Variants in CA10 observed in about 807,000 individuals in gnomAD.
The protein encoded by CA10 is carbonic anhydrase 10 (inactive), also known as carbonic anhydrase-related protein 10.
A neutral mutation model predicts 44.2 loss-of-function variants in CA10; 14 were observed. The observed-to-expected ratio is 0.32, with a 90% CI of 0.21 to 0.50. CA10 has a LOEUF of 0.50. Ranked by LOEUF, CA10 falls within the 20% of genes least tolerant of loss-of-function variation. CA10 has a pLI of 0.99. For synonymous variants in CA10, 159 were observed against 141.6 expected (o/e 1.12, Z -0.87); for missense variants, 350 against 409.7 (o/e 0.85, Z 1.26).
chr17:52,050,426 C>T (rs1282019478), intron 2 of CA10, among the ~76,000 whole-genome samples: 1 of 152,030 alleles, frequency 6.6e-6, no homozygotes, highest in African/African-American at 2.4e-5. Context: ...TCCATGCTTG[C>T]CCTTTTCTAG....
At chr17:51,676,066 T>G (rs891001565) in intron 4 of CA10, among the ~76,000 whole-genome samples, 2 of 152,258 alleles carry the variant, frequency 1.3e-5, no homozygotes, top group Non-Finnish European at 2.9e-5. Context: ...TGGCTAGTGC[T>G]ACTTAAGTGG....
intron 2 of CA10, among the ~76,000 whole-genome samples, chr17:52,013,827 T>C (rs988381778): frequency 2.0e-5 from 3 of 151,966 alleles, no homozygotes; most frequent in Non-Finnish European, 4.4e-5. Flanking sequence ...TCAAGTCCTT[T>C]ATATAAAATA....
chr17:51,895,781 G>A (rs371667608), intron 3 of CA10, among the ~76,000 whole-genome samples: 1 of 152,150 alleles, frequency 6.6e-6, no homozygotes, highest in African/African-American at 2.4e-5. Flanking sequence ...GATTGTTGTA[G>A]ACACTGCTTT....
At chr17:51,696,715 T>G (rs1310223184) in intron 4 of CA10, among the ~76,000 whole-genome samples, 6 of 152,182 alleles carry the variant, frequency 3.9e-5, no homozygotes, top group Non-Finnish European at 2.9e-5. Context: ...TTGAGGCTGG[T>G]GTTTAGCACT....
At chr17:51,916,634 C>T (rs1982008998) in intron 3 of CA10, among the ~76,000 whole-genome samples, 2 of 152,098 alleles carry the variant, frequency 1.3e-5, no homozygotes. Context: ...AACTGTAGGT[C>T]CATTGAACCT....
rs114242637 is a variant in CA10 at position 52,090,026 on chromosome 17, G to T, written c.62-17633C>A. ...AGTAGTTTTTCCAGTATGCTTAAAA[G>T]AAGCCATGATTTTAAAATAGGCAAG... On this transcript the variant is annotated intron_variant, in intron 1 of 8. Transcript: ENST00000451037. Among the ~76,000 whole-genome samples, 1,264 of 152,248 alleles carry T rather than the reference G, an allele frequency of 8.3e-3. 18 individuals are homozygous for T. The highest frequency in any genetic ancestry group is 0.029 in the African/African-American group (1,194 of 41,576).
At chr17:51,731,027 G>A (rs1916695159) in intron 4 of CA10, among the ~76,000 whole-genome samples, 1 of 152,178 alleles carries the variant, frequency 6.6e-6, no homozygotes, top group African/African-American at 2.4e-5. Flanking sequence ...GTGGATGACA[G>A]GGAGCTAGAA....
chr17:51,923,524 A>G (rs1200931878), intron 3 of CA10, among the ~76,000 whole-genome samples: 2 of 152,148 alleles, frequency 1.3e-5, no homozygotes, highest in African/African-American at 2.4e-5. Flanking sequence ...CTGTGTGTCT[A>G]TATTTTCTCC....
chr17:52,138,665 A>G (rs554668282), intron 1 of CA10, among the ~76,000 whole-genome samples: 60 of 152,318 alleles, frequency 3.9e-4, no homozygotes, highest in African/African-American at 1.4e-3. Flanking sequence ...CTGGATACCA[A>G]TGGTGTATAG....
At chr17:51,775,263 G>C (rs1240239314) in intron 3 of CA10, among the ~76,000 whole-genome samples, 2 of 152,186 alleles carry the variant, frequency 1.3e-5, no homozygotes, top group African/African-American at 4.8e-5. Context: ...GTAAAGACCT[G>C]TCCTCACTGA....
chr17:52,129,871 A>C (rs1989195205), intron 1 of CA10, among the ~76,000 whole-genome samples: 1 of 152,230 alleles, frequency 6.6e-6, no homozygotes, highest in South Asian at 2.1e-4. Context: ...GAATAAAGAC[A>C]ACACCAGTAG....
intron 3 of CA10, among the ~76,000 whole-genome samples, chr17:51,763,869 G>T (rs2143642426): frequency 6.6e-6 from 1 of 151,848 alleles, no homozygotes; most frequent in Admixed American, 6.6e-5. Flanking sequence ...CATTCTCTCT[G>T]TCTCTGCTAA....
intron 3 of CA10, among the ~76,000 whole-genome samples, chr17:51,786,214 CTGTGTGTGTG>C (rs71357856): frequency 6.1e-5 from 9 of 148,024 alleles, no homozygotes; most frequent in African/African-American, 2.2e-4. Flanking sequence ...CTTTGTGTGT[CTGTGTGTGTG>C]TGTGTGTGTG....
In CA10 at chr17:51,900,057, T is replaced by C. The variant is rs115467459; in HGVS notation, c.279+30933A>G. ...TACATTCAATTTTGATATGTGTAGA[T>C]TTAATCCTGGCTTTGTGTCACTAGC... On this transcript the variant is annotated intron_variant, in intron 3 of 8. Coordinates refer to ENST00000451037, the MANE Select transcript of CA10 (RefSeq NM_020178.5). Among the ~76,000 whole-genome samples the C allele has an allele frequency of 8.4e-3, 1,283 of 152,096 alleles. 21 individuals are homozygous for C. Among genetic ancestry groups the C allele is most frequent in the Middle Eastern group, 0.037 (11 of 294 alleles).
intron 6 of CA10, among the ~76,000 whole-genome samples, chr17:51,641,224 T>A (rs969908967): frequency 3.9e-5 from 6 of 151,930 alleles, no homozygotes; most frequent in Non-Finnish European, 7.4e-5. Context: ...GAAAATAGCT[T>A]ATAAAGGGCA....
chr17:51,873,545 T>A (rs1459584042), intron 3 of CA10, among the ~76,000 whole-genome samples: 4 of 152,202 alleles, frequency 2.6e-5, no homozygotes, highest in Non-Finnish European at 5.9e-5. Context: ...CAATACAACG[T>A]ACTTGTTTGA....
At chr17:52,080,811 A>G (rs1987954873) in intron 1 of CA10, among the ~76,000 whole-genome samples, 1 of 152,128 alleles carries the variant, frequency 6.6e-6, no homozygotes, top group African/African-American at 2.4e-5. Flanking sequence ...ACTCCTTTCA[A>G]GAAAGGTGTA....
At chr17:52,104,403 CAT>C (rs1292932907) in intron 1 of CA10, among the ~76,000 whole-genome samples, 5 of 152,116 alleles carry the variant, frequency 3.3e-5, no homozygotes, top group African/African-American at 1.2e-4. Context: ...TGGCTTTCGT[CAT>C]GTTGCCCAGG....
intron 3 of CA10, among the ~76,000 whole-genome samples, chr17:51,912,024 A>C (rs1000537478): frequency 6.6e-6 from 1 of 152,166 alleles, no homozygotes; most frequent in Non-Finnish European, 1.5e-5. Flanking sequence ...ACTACACTTC[A>C]TGAAGACTAA....
Sources: allele counts gnomAD v4.1 joint callset (sites outside exome capture counted in the v4.1 genomes callset), GRCh38; gene constraint gnomAD v4.1.1; transcripts MANE v1.5; gene names NCBI Gene and HGNC (gene_info 2026-07-23, HGNC 2026-07-21).